Variants in PAPSS1 observed in about 807,000 individuals in gnomAD.
PAPSS1 encodes bifunctional 3'-phosphoadenosine 5'-phosphosulfate synthase 1.
PAPSS1 carries 50 observed loss-of-function variants against 72.0 expected under a neutral mutation model. The ratio of observed to expected loss-of-function variants is 0.69; its 90% CI spans 0.55 to 0.88. The LOEUF is 0.88. PAPSS1 is among the 40% of genes least tolerant of loss of function. The pLI, the probability that PAPSS1 is intolerant of heterozygous loss-of-function variation, is 0.00. For missense variants in PAPSS1, 657 were observed against 782.2 expected, an observed-to-expected ratio of 0.84 and a Z score of 1.91; for synonymous variants, 261 against 263.6, an observed-to-expected ratio of 0.99 and a Z score of 0.09.
intron 9 of PAPSS1, among the ~76,000 whole-genome samples, chr4:107,645,983 G>T (rs943533250): frequency 3.9e-5 from 6 of 152,004 alleles, no homozygotes; most frequent in Non-Finnish European, 7.4e-5. Flanking sequence ...GGGATTTTTT[G>T]TTTTTGTTTT....
At chr4:107,712,817 GAGCCA>G (rs1234725830) in intron 1 of PAPSS1, among the ~76,000 whole-genome samples, 2 of 150,304 alleles carry the variant, frequency 1.3e-5, no homozygotes, top group African/African-American at 2.4e-5. Context: ...AGGTTGCAGC[GAGCCA>G]AGATTGCGCC....
rs116050354 is a variant in PAPSS1, at chr4:107,618,889, C to G, written c.1737-4502G>C. 2.3e-3 allele frequency among the ~76,000 whole-genome samples: 356 copies of G among 152,178 alleles called. 3 individuals are homozygous for G. Among genetic ancestry groups the G allele is most frequent in the African/African-American group, 8.1e-3 (338 of 41,516 alleles). On this transcript the variant is annotated intron_variant, in intron 11 of 11. Transcript: ENST00000265174. ...TTCCAACTATATCCAAAAATGCTTG[C>G]TCTAACCAGATGTAAAATTAAAAAC...
At chr4:107,629,681 C>G (rs1365257545) in intron 11 of PAPSS1, among the ~76,000 whole-genome samples, 1 of 152,104 alleles carries the variant, frequency 6.6e-6, no homozygotes, top group Non-Finnish European at 1.5e-5. Flanking sequence ...TACTAAGAGG[C>G]AGAAGTGGTC....
intron 10 of PAPSS1, among the ~76,000 whole-genome samples, chr4:107,637,993 T>C (rs6837082): frequency 0.24 from 36,818 of 152,096 alleles, 5,085 homozygotes; most frequent in Middle Eastern, 0.34. Flanking sequence ...TTTCCAGAGA[T>C]AGGAATTATT....
chr4:107,638,913 T>C (rs897453748), intron 10 of PAPSS1, among the ~76,000 whole-genome samples: 8 of 152,208 alleles, frequency 5.3e-5, no homozygotes, highest in Admixed American at 1.3e-4. Context: ...AAATAACATA[T>C]CCTAGCTGCA....
At chr4:107,674,884 C>T (rs925686165) in intron 5 of PAPSS1, among the ~76,000 whole-genome samples, 108 of 152,288 alleles carry the variant, frequency 7.1e-4, no homozygotes, top group Non-Finnish European at 1.3e-3. Flanking sequence ...GAAACTCACT[C>T]AAAACCACTC....
At chr4:107,646,336 C>T (rs1275033147) in intron 9 of PAPSS1, among the ~76,000 whole-genome samples, 5 of 141,442 alleles carry the variant, frequency 3.5e-5, no homozygotes, top group Non-Finnish European at 7.4e-5. Flanking sequence ...CATACACACA[C>T]ATACACACAT....
At chr4:107,679,149 G>A (rs373431380) in intron 5 of PAPSS1, among the ~76,000 whole-genome samples, 28 of 152,238 alleles carry the variant, frequency 1.8e-4, no homozygotes, top group East Asian at 3.9e-4. Flanking sequence ...CACAGGTCAC[G>A]CCTAAGACTG....
intron 4 of PAPSS1, among the ~76,000 whole-genome samples, chr4:107,685,497 G>A (rs1159529585): frequency 6.6e-6 from 1 of 152,204 alleles, no homozygotes; most frequent in African/African-American, 2.4e-5. Context: ...AAAGACTGAA[G>A]TGAAAACTGG....
rs1028928755 is a variant in PAPSS1 at position 107,631,632 on chromosome 4, G to C, written c.1735C>G (p.His579Asp). The change falls in exon 11 of 12, where the codon CAC (histidine) becomes GAC (aspartate). Residue 579 changes from histidine (H) to aspartate (D), a missense_variant and splice_region_variant. Coordinates refer to ENST00000265174, the MANE Select transcript of PAPSS1 (RefSeq NM_005443.5). Reference sequence around the variant, plus strand: ...TTGTACAGAGAATGTAAGACTTACTGTTCAGAGTCATAGTAGTCCATACGC... The same window carrying C: ...TTGTACAGAGAATGTAAGACTTACTCTTCAGAGTCATAGTAGTCCATACGC... ...KKRMDYYDSE[H>D]HEDFEFISGT... The C allele has an allele frequency of 1.2e-6, 2 of 1,601,760 alleles. No homozygotes were observed. Among genetic ancestry groups the C allele is most frequent in the Non-Finnish European group, 1.7e-6 (2 of 1,169,096 alleles).
chr4:107,719,815 G>T, intron 1 of PAPSS1: 6 of 1,244,764 alleles, frequency 4.8e-6, no homozygotes, highest in Non-Finnish European at 6.0e-6. Flanking sequence ...GCCAGTTCAC[G>T]GGTGAAGGAT....
intron 11 of PAPSS1, among the ~76,000 whole-genome samples, chr4:107,620,435 CA>C (rs1725925982): frequency 6.6e-6 from 1 of 152,050 alleles, no homozygotes; most frequent in Admixed American, 6.5e-5. Context: ...ATTTTCAAAC[CA>C]AAGACCAATT....
At chr4:107,683,363 G>A (rs1451475511) in intron 4 of PAPSS1, among the ~76,000 whole-genome samples, 1 of 41,278 alleles carries the variant, frequency 2.4e-5, no homozygotes, top group Non-Finnish European at 1.1e-4. Flanking sequence ...AAAATGGCTG[G>A]GAAAAAAAAA....
chr4:107,682,277 G>C (rs1722642287), intron 4 of PAPSS1, 144 bp from the exon 5 acceptor site: 2 of 407,986 alleles, frequency 4.9e-6, no homozygotes, highest in Admixed American at 4.3e-5. Context: ...CATCTTTCTT[G>C]GGAGATTTCT....
intron 1 of PAPSS1, among the ~76,000 whole-genome samples, chr4:107,705,878 T>C (rs1723327235): frequency 6.6e-6 from 1 of 152,212 alleles, no homozygotes; most frequent in African/African-American, 2.4e-5. Context: ...CCCTTAGCTT[T>C]GTCTAGGCAA....
chr4:107,694,788 A>C (rs867342731), intron 2 of PAPSS1, among the ~76,000 whole-genome samples: 6 of 152,238 alleles, frequency 3.9e-5, no homozygotes, highest in African/African-American at 7.2e-5. Context: ...AACAGTATTT[A>C]CTCAGTAAAC....
At chr4:107,718,053 G>A (rs1453317362) in intron 1 of PAPSS1, among the ~76,000 whole-genome samples, 1 of 152,020 alleles carries the variant, frequency 6.6e-6, no homozygotes, top group Admixed American at 6.6e-5. Flanking sequence ...TCCCCATCTG[G>A]GTCCTACCAG....
At chr4:107,653,050 T>C (rs959257721) in intron 9 of PAPSS1, among the ~76,000 whole-genome samples, 4 of 149,012 alleles carry the variant, frequency 2.7e-5, no homozygotes, top group African/African-American at 1.0e-4. Flanking sequence ...ATGACATTCA[T>C]ATATATATGA....
chr4:107,680,603 G>A (rs1278329237), intron 5 of PAPSS1, among the ~76,000 whole-genome samples: 1 of 152,154 alleles, frequency 6.6e-6, no homozygotes, highest in East Asian at 1.9e-4. Context: ...CACTTATAAT[G>A]TAAATCCCTC....
Sources: gnomAD v4.1 joint callset for allele counts (sites outside exome capture counted in the v4.1 genomes callset) on GRCh38, gnomAD v4.1.1 for gene constraint, MANE v1.5 for transcripts, NCBI Gene and HGNC (gene_info 2026-07-23, HGNC 2026-07-21) for gene names.